The following PPP2R2B variants were observed in gnomAD, a reference collection of about 807,000 sequenced individuals.
PPP2R2B encodes the protein protein phosphatase 2 regulatory subunit Bbeta.
Under a neutral mutation model 46.0 loss-of-function variants are expected in PPP2R2B, and 5 were observed. The observed-to-expected ratio is 0.11, with a 90% CI of 0.06 to 0.23. The LOEUF (loss-of-function observed/expected upper bound fraction) is 0.23, where lower values mean the gene tolerates loss of function less well. Among genes scored for constraint, PPP2R2B ranks in the 10% least tolerant of loss-of-function variants. PPP2R2B has a pLI of 1.00. For missense variants in PPP2R2B, 367 were observed against 575.0 expected, an observed-to-expected ratio of 0.64 and a Z score of 3.70; for synonymous variants, 215 against 206.7, an observed-to-expected ratio of 1.04 and a Z score of -0.34.
intron 1 of PPP2R2B, among the ~76,000 whole-genome samples, chr5:146,950,241 T>C (rs1222641959): frequency 6.6e-6 from 1 of 152,004 alleles, no homozygotes; most frequent in Non-Finnish European, 1.5e-5. Context: ...CATAAATATA[T>C]ATACCTACAT....
At chr5:147,041,325 A>G (rs1293075742) in intron 1 of PPP2R2B, among the ~76,000 whole-genome samples, 3 of 152,206 alleles carry the variant, frequency 2.0e-5, no homozygotes, top group East Asian at 3.9e-4. Flanking sequence ...TTCACAGGCA[A>G]GGGAGAAAAT....
At chr5:146,850,728 G>A (rs1241074813) in intron 2 of PPP2R2B, among the ~76,000 whole-genome samples, 1 of 152,106 alleles carries the variant, frequency 6.6e-6, no homozygotes, top group African/African-American at 2.4e-5. Context: ...AACTCCTTCA[G>A]AGTGCTTGTC....
chr5:146,796,888 T>C (rs974345749), intron 2 of PPP2R2B, among the ~76,000 whole-genome samples: 11 of 152,202 alleles, frequency 7.2e-5, no homozygotes, highest in African/African-American at 2.4e-4. Context: ...TGAACTTTTA[T>C]AGTAGTGAGA....
intron 5 of PPP2R2B, among the ~76,000 whole-genome samples, chr5:146,690,831 C>T (rs1394145901): frequency 6.6e-6 from 1 of 152,136 alleles, no homozygotes; most frequent in Non-Finnish European, 1.5e-5. Flanking sequence ...AGAAGGTGCT[C>T]AAGACATTTT....
intron 7 of PPP2R2B, among the ~76,000 whole-genome samples, chr5:146,624,159 G>C (rs1773887283): frequency 6.6e-6 from 1 of 152,150 alleles, no homozygotes; most frequent in Non-Finnish European, 1.5e-5. Flanking sequence ...CAAACTTACT[G>C]GGTTTTCAGG....
intron 5 of PPP2R2B, among the ~76,000 whole-genome samples, chr5:146,672,841 T>A (rs930159874): frequency 4.6e-5 from 7 of 152,368 alleles, no homozygotes; most frequent in Middle Eastern, 3.4e-3. Flanking sequence ...ACTCTCTAGT[T>A]TAAAATGACA....
chr5:147,001,830 C>A (rs541779459), intron 1 of PPP2R2B, among the ~76,000 whole-genome samples: 3 of 152,186 alleles, frequency 2.0e-5, no homozygotes, highest in Admixed American at 2.0e-4. Context: ...TTCTAACAAC[C>A]CCCAACTCTT....
At position 146,850,927 on chromosome 5, in the gene PPP2R2B, A is replaced by C. The variant is rs771954400; in HGVS notation, c.70+27075T>G. Among the ~76,000 whole-genome samples the C allele has an allele frequency of 1.0e-3, 158 of 152,256 alleles. 1 individual carries two copies. The highest frequency in any genetic ancestry group is 1.2e-3 in the Non-Finnish European group (79 of 68,008). ...CCATACTGCTGTAAAGACTTTCTAG[A>C]ATATTAAAGTCCTCTTTGGATTCAG... On this transcript the variant is annotated intron_variant, in intron 2 of 9. Transcript: ENST00000394411.
At chr5:146,894,772 T>A (rs1762594699) in intron 1 of PPP2R2B, among the ~76,000 whole-genome samples, 1 of 152,180 alleles carries the variant, frequency 6.6e-6, no homozygotes, top group Non-Finnish European at 1.5e-5. Context: ...CTTTTTCTAC[T>A]TCTTGAAATT....
chr5:146,892,417 A>T (rs1464218261), intron 1 of PPP2R2B, among the ~76,000 whole-genome samples: 1 of 152,222 alleles, frequency 6.6e-6, no homozygotes, highest in Non-Finnish European at 1.5e-5. Flanking sequence ...GGCTACAAAT[A>T]GCTCTTGCTA....
At chr5:146,921,490 G>A (rs1763607037) in intron 1 of PPP2R2B, among the ~76,000 whole-genome samples, 1 of 152,184 alleles carries the variant, frequency 6.6e-6, no homozygotes, top group African/African-American at 2.4e-5. Flanking sequence ...GCAAGTGTCA[G>A]CATTGCTCGT....
At chr5:146,783,475 A>G (rs550526749) in intron 2 of PPP2R2B, among the ~76,000 whole-genome samples, 110 of 152,330 alleles carry the variant, frequency 7.2e-4, no homozygotes, top group African/African-American at 2.4e-3. Flanking sequence ...TTTTCTCTTT[A>G]GTTGATTAAA....
chr5:146,898,731 A>C (rs1358918533), intron 1 of PPP2R2B, among the ~76,000 whole-genome samples: 1 of 108,482 alleles, frequency 9.2e-6, no homozygotes, highest in Non-Finnish European at 1.7e-5. Flanking sequence ...CTCATCTGAC[A>C]AAGGGCTAAT....
chr5:147,059,282 A>G (rs1439115805), upstream of PPP2R2B, among the ~76,000 whole-genome samples: 1 of 152,228 alleles, frequency 6.6e-6, no homozygotes, highest in Non-Finnish European at 1.5e-5. Context: ...CAAAAAGTCA[A>G]TGTTACAGAT....
chr5:147,073,844 G>T (rs1757677288), intron 2 of PPP2R2B, among the ~76,000 whole-genome samples: 1 of 151,956 alleles, frequency 6.6e-6, no homozygotes, highest in Non-Finnish European at 1.5e-5. Flanking sequence ...GAGACCAGCT[G>T]GGCCAATATG....
rs1317102245 is a variant in PPP2R2B, at chr5:146,590,134, C to A, written c.1145G>T (p.Ser382Ile). The A allele has an allele frequency of 1.9e-6, 3 of 1,613,980 alleles. No homozygotes were observed. Among genetic ancestry groups the A allele is most frequent in the Non-Finnish European group, 1.7e-6 (2 of 1,180,032 alleles). ...DVTLEASREN[S>I]KPRAILKPRK... ...GGGTTTGAGGATAGCCCGGGGCTTG[C>A]TGTTTTCCCTCGAAGCCTCAAGGGT... The change falls in exon 10 of 10, where the codon AGC (serine) becomes ATC (isoleucine). Residue 382 changes from serine to isoleucine, a missense_variant. Coordinates refer to ENST00000394411, the MANE Select transcript of PPP2R2B (RefSeq NM_181675.4).
At chr5:146,936,643 CA>C (rs1764151919) in intron 1 of PPP2R2B, among the ~76,000 whole-genome samples, 1 of 151,646 alleles carries the variant, frequency 6.6e-6, no homozygotes. Context: ...AGGACATGCA[CA>C]AAGCACTAAA....
chr5:146,776,048 G>T (rs1280491237), intron 2 of PPP2R2B, among the ~76,000 whole-genome samples: 1 of 152,092 alleles, frequency 6.6e-6, no homozygotes, highest in Admixed American at 6.5e-5. Context: ...TGATAATGCT[G>T]CCCCAATGTG....
intron 2 of PPP2R2B, among the ~76,000 whole-genome samples, chr5:146,711,148 A>T (rs905134696): frequency 1.3e-5 from 2 of 152,188 alleles, no homozygotes; most frequent in Non-Finnish European, 2.9e-5. Context: ...CAGTCTCTTC[A>T]TTGTAAACTT....
Sources: gnomAD v4.1 joint callset for allele counts (sites outside exome capture counted in the v4.1 genomes callset) on GRCh38, gnomAD v4.1.1 for gene constraint, MANE v1.5 for transcripts, NCBI Gene and HGNC (gene_info 2026-07-23, HGNC 2026-07-21) for gene names.